The following KDF1 variants were observed in gnomAD, a reference collection of about 807,000 sequenced individuals.
KDF1 encodes the protein keratinocyte differentiation factor 1, also known as RP11-344H11.3.
A neutral mutation model predicts 31.6 loss-of-function variants in KDF1; 11 were observed. The observed-to-expected ratio is 0.35, with a 90% CI of 0.22 to 0.58. KDF1 has a LOEUF of 0.58. Ranked by LOEUF, KDF1 falls within the 20% of genes least tolerant of loss-of-function variation. The pLI, the probability that KDF1 is intolerant of heterozygous loss-of-function variation, is 0.83. For synonymous variants in KDF1, 205 were observed against 214.4 expected, an observed-to-expected ratio of 0.96 and a Z score of 0.38; for missense variants, 476 against 549.1, an observed-to-expected ratio of 0.87 and a Z score of 1.33.
In KDF1 at chr1:26,950,260, T is replaced by A; in HGVS notation, c.1115-109A>T. On this transcript the variant is annotated intron_variant, in intron 3 of 3. Coordinates refer to ENST00000320567, the MANE Select transcript of KDF1 (RefSeq NM_152365.3). The surrounding 1 kb of genome is among the most constrained non-coding windows in gnomAD (Gnocchi z 4.0). Reference sequence around the variant, plus strand: ...GAAGGAGCAGAGTGGGACTTGAGCCTGGGTCAGTCTGATCCTGGCTGGATG... The same window carrying A: ...GAAGGAGCAGAGTGGGACTTGAGCCAGGGTCAGTCTGATCCTGGCTGGATG... The A allele has an allele frequency of 1.0e-6, 1 of 995,136 alleles. No homozygotes were observed. The highest frequency in any genetic ancestry group is 1.6e-6 in the Non-Finnish European group (1 of 634,898). The allele number at this position is 995,136 out of a possible 1,614,324, so 61.6% of individuals were successfully genotyped here. A position where few individuals can be genotyped will look rare whatever the true frequency, so the allele number is the denominator to read the frequency against.
chr1:26,958,216 C>A (rs1023868996), intron 1 of KDF1, among the ~76,000 whole-genome samples: 3 of 148,062 alleles, frequency 2.0e-5, no homozygotes, highest in African/African-American at 5.0e-5. Context: ...TGGCTCACTG[C>A]AACCTCTGCC....
At chr1:26,954,731 G>A (rs2082368724) in intron 1 of KDF1, among the ~76,000 whole-genome samples, 1 of 149,492 alleles carries the variant, frequency 6.7e-6, no homozygotes. Context: ...TACTGAGGAG[G>A]CTGAGGCAGG....
chr1:26,950,630 C>T lies in KDF1; in HGVS notation c.1114+52G>A, dbSNP rs2082343488. ...AGCTGGGAGAGCAGCAGGTGAGGGG[C>T]CCCTAGGGTAGTCCCCCACCCTCCA... On this transcript the variant is annotated intron_variant, in intron 3 of 3. Coordinates refer to ENST00000320567, the MANE Select transcript of KDF1 (RefSeq NM_152365.3). The surrounding 1 kb of genome is among the most constrained non-coding windows in gnomAD (Gnocchi z 4.0). 3 of 1,528,034 alleles carry T rather than the reference C, an allele frequency of 2.0e-6. No individual in the cohort carries two copies. The highest frequency in any genetic ancestry group is 2.7e-6 in the Non-Finnish European group (3 of 1,105,408). 94.7% of individuals were successfully genotyped at this position (1,528,034 alleles called of 1,614,324 possible). A position where few individuals can be genotyped will look rare whatever the true frequency, so the allele number is the denominator to read the frequency against.
At chr1:26,954,708 G>A (rs1044944221) in intron 1 of KDF1, among the ~76,000 whole-genome samples, 16 of 149,658 alleles carry the variant, frequency 1.1e-4, no homozygotes, top group Non-Finnish European at 2.4e-4. Flanking sequence ...TGATGGGCAC[G>A]TGTAATCTCA....
chr1:26,953,603 A>G (rs2082362478), intron 1 of KDF1, among the ~76,000 whole-genome samples: 1 of 152,250 alleles, frequency 6.6e-6, no homozygotes, highest in South Asian at 2.1e-4. Context: ...ATTCTTATAC[A>G]TGCTGCAACA....
chr1:26,956,937 T>C (rs2082379627), intron 1 of KDF1, among the ~76,000 whole-genome samples: 1 of 152,160 alleles, frequency 6.6e-6, no homozygotes. Context: ...TATTTTATTT[T>C]ATTTTTAGAG....
Position 26,952,081 on chromosome 1 carries a change from C to T in KDF1, c.300G>A (p.Gln100=), listed in dbSNP as rs768749901. The stretch of plus-strand genomic sequence containing the variant: ...ATCCCCGCACACAGGCTCCACAGCG[C>T]TGGAGGCAATCCCGGCAGCGGCGGA... ...FCFRRCRDCL[Q]RCGACVRGCS... The change falls in exon 2 of 4, where the codon CAG becomes CAA. Residue 100 remains glutamine, a synonymous_variant. Transcript: ENST00000320567. The surrounding 1 kb of genome is among the most constrained non-coding windows in gnomAD (Gnocchi z 4.1). The T allele has an allele frequency of 1.3e-5, 21 of 1,613,390 alleles. No homozygotes were observed. The Admixed American group carries it at 2.7e-4, about 20-fold the overall frequency.
rs2124153560 is a variant in KDF1 at position 26,949,959 on chromosome 1, T to G, written c.*110A>C. ...TCAGCCAAGGCAGGAGGAGCCAGAG[T>G]GGGCACTGCTTCAGGTCTAAGCCTC... is the stretch of plus-strand genomic sequence containing the variant. On this transcript the variant is annotated 3_prime_UTR_variant, in exon 4 of 4. Coordinates refer to ENST00000320567, the MANE Select transcript of KDF1 (RefSeq NM_152365.3). 2 of 1,087,270 alleles carry G rather than the reference T, an allele frequency of 1.8e-6. No individual in the cohort carries two copies. Among genetic ancestry groups the G allele is most frequent in the South Asian group, 1.4e-5 (1 of 71,034 alleles). 67.4% of individuals were successfully genotyped at this position (1,087,270 alleles called of 1,614,324 possible). A position where few individuals can be genotyped will look rare whatever the true frequency, so the allele number is the denominator to read the frequency against.
rs2082350844 is a variant in KDF1, at chr1:26,951,798, G to C, written c.583C>G (p.Pro195Ala). ...GGCAGGCTGTGTCGCATGGGTGGGG[G>C]ATCGGCCAGTGGCTCCTTGCAGCAG... ...DSCCKEPLAD[P>A]PPMRHSLPST... Residue 195 changes from proline (P) to alanine (A), a missense_variant, in exon 2 of 4, where the codon CCC becomes GCC. Transcript: ENST00000320567. This position sits in a 1 kb window ranked among gnomAD's most constrained non-coding sequence, Gnocchi z 5.4. The C allele has an allele frequency of 3.1e-6, 5 of 1,613,990 alleles. No homozygotes were observed. Among genetic ancestry groups the C allele is most frequent in the Non-Finnish European group, 4.2e-6 (5 of 1,180,028 alleles).
At chr1:26,957,625 G>A (rs1349554894) in intron 1 of KDF1, among the ~76,000 whole-genome samples, 1 of 152,152 alleles carries the variant, frequency 6.6e-6, no homozygotes, top group African/African-American at 2.4e-5. Flanking sequence ...AGGTGAGGGA[G>A]AGAGTGAAAT....
chr1:26,953,671 T>C (rs1340791424), intron 1 of KDF1, among the ~76,000 whole-genome samples: 1 of 152,100 alleles, frequency 6.6e-6, no homozygotes, highest in African/African-American at 2.4e-5. Context: ...AAAGGACAAA[T>C]AGCCCGGGTG....
chr1:26,957,673 G>C (rs180675880), intron 1 of KDF1, among the ~76,000 whole-genome samples: 1 of 152,156 alleles, frequency 6.6e-6, no homozygotes, highest in Non-Finnish European at 1.5e-5. Context: ...ATTCTAACAG[G>C]TGATTTTAAA....
At chr1:26,957,915 G>C (rs1274076347) in intron 1 of KDF1, among the ~76,000 whole-genome samples, 1 of 150,450 alleles carries the variant, frequency 6.6e-6, no homozygotes, top group Admixed American at 6.6e-5. Flanking sequence ...CCCAGGTGGA[G>C]GCAATTCTCA....
In KDF1 at chr1:26,951,670, T is replaced by C; in HGVS notation, c.711A>G (p.Arg237=). Residue 237 remains arginine (R), a synonymous_variant, in exon 2 of 4, where the codon CGA becomes CGG. Coordinates refer to ENST00000320567, the MANE Select transcript of KDF1 (RefSeq NM_152365.3). This position sits in a 1 kb window ranked among gnomAD's most constrained non-coding sequence, Gnocchi z 5.4. Reference sequence around the variant, plus strand: ...TCTTGAAGATGAGCACATCAATTTCTCGGCTCGACATGGAGCCACTGCCCA... The same window carrying C: ...TCTTGAAGATGAGCACATCAATTTCCCGGCTCGACATGGAGCCACTGCCCA... ...PEMGSGSMSS[R]EIDVLIFKKL... The C allele has an allele frequency of 6.2e-7, 1 of 1,613,868 alleles. No homozygotes were observed. The highest frequency in any genetic ancestry group is 8.5e-7 in the Non-Finnish European group (1 of 1,180,028).
Position 26,950,113 on chromosome 1 carries a change from C to T in KDF1, c.1153G>A (p.Asp385Asn), listed in dbSNP as rs200294153. 5.4e-4 allele frequency: 876 copies of T among 1,613,764 alleles called. 22 individuals are homozygous for T. In the South Asian group the frequency reaches 6.6e-3, roughly 12 times the overall value. The change falls in exon 4 of 4, where the codon GAC becomes AAC. Residue 385 changes from aspartate to asparagine, a missense_variant. By Grantham distance (23) the Asp-to-Asn change is conservative (BLOSUM62 1). Transcript: ENST00000320567. The surrounding 1 kb of genome is among the most constrained non-coding windows in gnomAD (Gnocchi z 4.0). ...AAGGGTGCCCCCGACGAGTCTGTGT[C>T]GGTGCCCTGGAAGGATGAGTCATGG... The part of the protein sequence containing the change: ...ASHDSSFQGT[D>N]TDSSGAPLLQ...
Position 26,950,362 on chromosome 1 carries a change from T to C in KDF1, c.1115-211A>G, listed in dbSNP as rs374242502. Among the ~76,000 whole-genome samples, 69 of 152,056 alleles carry C rather than the reference T, an allele frequency of 4.5e-4. No individual in the cohort carries two copies. The highest frequency in any genetic ancestry group is 1.5e-3 in the African/African-American group (62 of 41,456). On this transcript the variant is annotated intron_variant, in intron 3 of 3. Coordinates refer to ENST00000320567, the MANE Select transcript of KDF1 (RefSeq NM_152365.3). The surrounding 1 kb of genome is among the most constrained non-coding windows in gnomAD (Gnocchi z 4.0). ...GGATAATGATTCCACTCCCAGGGGG[T>C]TGTTGTCAAGGGCAAGAAGACCGCA...
chr1:26,953,752 CAAGACCAGCCTGGCCAACATGGTGA>C (rs1363842031), intron 1 of KDF1, among the ~76,000 whole-genome samples: 3 of 152,008 alleles, frequency 2.0e-5, no homozygotes, highest in Non-Finnish European at 2.9e-5. Context: ...CGCAGGAGTT[CAAGACCAGCCTGGCCAACATGGTGA>C]AAGCCCATCC....
Position 26,952,341 on chromosome 1 carries a change from G to A in KDF1, c.40C>T (p.Pro14Ser). The A allele has an allele frequency of 6.6e-7, 1 of 1,520,616 alleles. No individual in the cohort carries two copies. The highest frequency in any genetic ancestry group is 8.8e-7 in the Non-Finnish European group (1 of 1,135,244). The allele number at this position is 1,520,616 out of a possible 1,614,324, so 94.2% of individuals were successfully genotyped here. A position where few individuals can be genotyped will look rare whatever the true frequency, so the allele number is the denominator to read the frequency against. Residue 14 changes from proline (P) to serine (S), a missense_variant, in exon 2 of 4, where the codon CCA becomes TCA. Physicochemically the swap from Pro to Ser is moderately conservative, Grantham distance 74. Transcript: ENST00000320567. This position sits in a 1 kb window ranked among gnomAD's most constrained non-coding sequence, Gnocchi z 4.1. ...PGHPRPASGP[P>S]RLGPWERPTE... ...GGCCGCTCCCACGGTCCCAAGCGTG[G>A]AGGCCCAGATGCTGGGCGGGGGTGT...
chr1:26,959,458 A>G (rs1395438380), intron 1 of KDF1, among the ~76,000 whole-genome samples: 1 of 152,012 alleles, frequency 6.6e-6, no homozygotes, highest in Admixed American at 6.6e-5. Context: ...CCTCATCTTT[A>G]AATAAGGAGA....
Sources: allele counts gnomAD v4.1 joint callset (sites outside exome capture counted in the v4.1 genomes callset), GRCh38; gene constraint gnomAD v4.1.1; non-coding constraint Gnocchi (gnomAD v3.1); transcripts MANE v1.5; gene names NCBI Gene and HGNC (gene_info 2026-07-23, HGNC 2026-07-21).